CNTLN: variants seen among roughly 807,000 people sequenced by gnomAD.
CNTLN encodes centlein, also known as centlein, centrosomal protein.
In CNTLN, 212 loss-of-function variants were observed where a neutral mutation model predicts 180.0. That is an observed-to-expected ratio of 1.18 (90% confidence interval 1.05 to 1.32). The LOEUF (loss-of-function observed/expected upper bound fraction) is 1.32, where lower values mean the gene tolerates loss of function less well. Among genes scored for constraint, CNTLN ranks in the 40% most tolerant of loss-of-function variants. The probability of loss-of-function intolerance (pLI) is 0.00; values close to 1 mark genes in which losing one functional copy is unlikely to be tolerated. For synonymous variants in CNTLN, 722 were observed against 563.1 expected (o/e 1.28, Z -3.99); for missense variants, 2,095 against 1,610.9 (o/e 1.30, Z -5.14).
At chr9:17,294,989 G>C (rs929214615) in intron 6 of CNTLN, among the ~76,000 whole-genome samples, 1 of 151,440 alleles carries the variant, frequency 6.6e-6, no homozygotes, top group Non-Finnish European at 1.5e-5. Context: ...CAGGGAGGCA[G>C]CTAAGGCCCG....
intron 13 of CNTLN, among the ~76,000 whole-genome samples, chr9:17,381,809 G>T (rs374757630): frequency 1.5e-3 from 223 of 152,274 alleles, no homozygotes; most frequent in African/African-American, 5.0e-3. Flanking sequence ...TTGGATTTAG[G>T]TCTGCTCCAT....
chr9:17,522,027 G>A, the CNTLN span, among the ~76,000 whole-genome samples: 1 of 100,700 alleles, frequency 9.9e-6, no homozygotes, highest in Admixed American at 1.3e-4. Context: ...ATAGGCATTA[G>A]CAACTACTGT....
At chr9:17,419,938 G>A (rs745642372) in intron 18 of CNTLN, among the ~76,000 whole-genome samples, 5 of 152,112 alleles carry the variant, frequency 3.3e-5, no homozygotes, top group East Asian at 3.9e-4. Flanking sequence ...TTTTTGAGAC[G>A]GAGTCTCACT....
chr9:17,158,056 T>C lies in CNTLN; in HGVS notation c.449+14680T>C, dbSNP rs1819421649. ...ATTGCCAAGATAGCTCATTTATGTA[T>C]ATGAAAATATTCTGAAATCCAAAAT... On this transcript the variant is annotated intron_variant, in intron 2 of 25. Coordinates refer to ENST00000380647, the MANE Select transcript of CNTLN (RefSeq NM_017738.4). Among the ~76,000 whole-genome samples the C allele has an allele frequency of 2.0e-5, 3 of 152,250 alleles. No homozygotes were observed. The South Asian group carries it at 6.2e-4, about 31-fold the overall frequency.
intron 5 of CNTLN, among the ~76,000 whole-genome samples, chr9:17,245,087 A>C (rs992911032): frequency 2.6e-5 from 4 of 152,150 alleles, no homozygotes; most frequent in Non-Finnish European, 5.9e-5. Context: ...CACTACAATT[A>C]CACTTTTATA....
intron 4 of CNTLN, among the ~76,000 whole-genome samples, chr9:17,236,193 T>C (rs1825130417): frequency 6.6e-6 from 1 of 152,104 alleles, no homozygotes; most frequent in Non-Finnish European, 1.5e-5. Context: ...AAATGTGTAC[T>C]CATCAAAGCT....
intron 23 of CNTLN, among the ~76,000 whole-genome samples, chr9:17,467,616 G>A (rs1452599784): frequency 6.6e-6 from 1 of 151,564 alleles, no homozygotes; most frequent in East Asian, 1.9e-4. Context: ...GTGAAGTCAA[G>A]CCAATAATGC....
intron 4 of CNTLN, 52 bp from the exon 5 acceptor site, chr9:17,236,357 T>C: frequency 1.4e-6 from 2 of 1,469,460 alleles, no homozygotes; most frequent in Non-Finnish European, 1.8e-6. Context: ...ATTTTTTGGG[T>C]TTTTTGTTTC....
At chr9:17,295,046 C>A (rs891329971) in intron 6 of CNTLN, among the ~76,000 whole-genome samples, 36 of 151,868 alleles carry the variant, frequency 2.4e-4, no homozygotes, top group Non-Finnish European at 1.0e-4. Flanking sequence ...GCTGGGGGAC[C>A]TGGTGCACTG....
chr9:17,172,009 G>C (rs1282348071), intron 2 of CNTLN, among the ~76,000 whole-genome samples: 1 of 152,150 alleles, frequency 6.6e-6, no homozygotes, highest in African/African-American at 2.4e-5. Context: ...CAATGTTTGA[G>C]GCATGGATAC....
At chr9:17,163,501 A>T (rs2131600152) in intron 2 of CNTLN, among the ~76,000 whole-genome samples, 1 of 152,342 alleles carries the variant, frequency 6.6e-6, no homozygotes, top group African/African-American at 2.4e-5. Flanking sequence ...TTGATTTAAC[A>T]GCATTTATAT....
chr9:17,510,011 C>A, the CNTLN span, among the ~76,000 whole-genome samples: 2 of 152,114 alleles, frequency 1.3e-5, no homozygotes, highest in Admixed American at 1.3e-4. Flanking sequence ...GACTACTACT[C>A]TACAATGGAG....
intron 18 of CNTLN, among the ~76,000 whole-genome samples, chr9:17,418,014 C>T (rs563572129): frequency 7.9e-5 from 12 of 152,030 alleles, no homozygotes; most frequent in African/African-American, 2.6e-4. Flanking sequence ...CCTGAAGTTA[C>T]CCTCAATTCT....
chr9:17,379,827 C>T (rs1825080729), intron 13 of CNTLN, among the ~76,000 whole-genome samples: 1 of 152,182 alleles, frequency 6.6e-6, no homozygotes, highest in Non-Finnish European at 1.5e-5. Context: ...TCCAAAAAAA[C>T]TCATTGCCTT....
the CNTLN span, among the ~76,000 whole-genome samples, chr9:17,527,418 T>C: frequency 6.6e-6 from 1 of 152,232 alleles, no homozygotes; most frequent in African/African-American, 2.4e-5. Flanking sequence ...CTTAAATAGA[T>C]AGAAGCTCTC....
In CNTLN at chr9:17,443,378, A is replaced by G. The variant is rs546979188; in HGVS notation, c.3115-14146A>G. Among the ~76,000 whole-genome samples, 97 of 151,988 alleles carry G rather than the reference A, an allele frequency of 6.4e-4. 1 individual carries two copies. The highest frequency in any genetic ancestry group is 2.0e-3 in the African/African-American group (81 of 41,270). ...GCAATCAACAGAATATGCAATTTAA[A>G]AGAAAAATATTGTTTAAATAATAGC... On this transcript the variant is annotated intron_variant, in intron 18 of 25. Transcript: ENST00000380647.
intron 2 of CNTLN, among the ~76,000 whole-genome samples, chr9:17,185,592 T>C (rs1200025516): frequency 6.6e-6 from 1 of 152,160 alleles, no homozygotes; most frequent in East Asian, 1.9e-4. Flanking sequence ...GTTTGTGAGT[T>C]TGTGAATGAC....
chr9:17,459,902 C>G (rs573936854), intron 19 of CNTLN, among the ~76,000 whole-genome samples: 2 of 151,570 alleles, frequency 1.3e-5, no homozygotes, highest in Non-Finnish European at 3.0e-5. Context: ...ACTGAGGGTT[C>G]GGTGAGAACT....
intron 5 of CNTLN, among the ~76,000 whole-genome samples, chr9:17,258,725 T>G (rs1451470276): frequency 1.4e-5 from 2 of 146,194 alleles, no homozygotes; most frequent in African/African-American, 2.6e-5. Flanking sequence ...TATTTTATTC[T>G]CTTTGAAGCA....
Sources: gnomAD v4.1 joint callset for allele counts (sites outside exome capture counted in the v4.1 genomes callset) on GRCh38, gnomAD v4.1.1 for gene constraint, MANE v1.5 for transcripts, NCBI Gene and HGNC (gene_info 2026-07-23, HGNC 2026-07-21) for gene names.